Variants in FGR observed in about 807,000 individuals in gnomAD.
FGR encodes the protein tyrosine-protein kinase Fgr.
Under a neutral mutation model 63.2 loss-of-function variants are expected in FGR, and 26 were observed. The ratio of observed to expected loss-of-function variants is 0.41; its 90% confidence interval spans 0.30 to 0.57. The LOEUF (loss-of-function observed/expected upper bound fraction) is 0.57. FGR is among the 20% of genes least tolerant of loss of function. FGR has a pLI of 0.27. For missense variants in FGR, 511 were observed against 690.8 expected (o/e 0.74, Z 2.92); for synonymous variants, 286 against 277.7 (o/e 1.03, Z -0.30).
intron 11 of FGR, among the ~76,000 whole-genome samples, chr1:27,613,559 C>T (rs1436169336): frequency 5.9e-5 from 9 of 151,848 alleles, no homozygotes; most frequent in Admixed American, 2.6e-4. Context: ...AAAAATTAGC[C>T]GGGCATGGTG....
intron 1 of FGR, chr1:27,626,390 C>T: frequency 2.5e-6 from 1 of 394,872 alleles, no homozygotes; most frequent in Non-Finnish European, 4.5e-6. Flanking sequence ...GATCCCCAGT[C>T]CAGTCATCCT....
Position 27,616,889 on chromosome 1 carries a change from T to C in FGR, c.650A>G (p.Asn217Ser), listed in dbSNP as rs771875645. The C allele has an allele frequency of 3.0e-5, 48 of 1,614,012 alleles. No homozygotes were observed. In the South Asian group the frequency reaches 5.3e-4, roughly 18 times the overall value. The change falls in exon 7 of 13, where the codon AAC becomes AGC. Residue 217 changes from asparagine (N) to serine (S), a missense_variant. Physicochemically the swap from Asn to Ser is conservative, Grantham distance 46. Coordinates refer to ENST00000374005, the MANE Select transcript of FGR (RefSeq NM_005248.3). This position sits in a 1 kb window ranked among gnomAD's most constrained non-coding sequence, Gnocchi z 4.3. ...GTGCTGCACCAGCTCCTGCACCGAG[T>C]TGAACTGAACCCGTGTGGTGATGTA... ...GYYITTRVQFNSVQELVQHYM... is the reference protein window; with the variant it reads ...GYYITTRVQFSSVQELVQHYM...
At position 27,617,444 on chromosome 1, in the gene FGR, T is replaced by C; in HGVS notation, c.429-148A>G. On this transcript the variant is annotated intron_variant, in intron 5 of 12. Transcript: ENST00000374005. The surrounding 1 kb of genome is among the most constrained non-coding windows in gnomAD (Gnocchi z 4.5). ...TGCTTCACATCCTGGCTGGGAGGGT[T>C]ACAGAGAAGGGGAGTGTAAAATGCC... 3.2e-6 allele frequency: 2 copies of C among 632,382 alleles called. No homozygotes were observed. Among genetic ancestry groups the C allele is most frequent in the Non-Finnish European group, 2.9e-6 (1 of 349,560 alleles). The allele number at this position is 632,382 out of a possible 1,614,324, so 39.2% of individuals were successfully genotyped here. A position where few individuals can be genotyped will look rare whatever the true frequency, so the allele number is the denominator to read the frequency against.
Position 27,612,868 on chromosome 1 carries a change from G to T in FGR, c.*46C>A. The stretch of plus-strand genomic sequence containing the variant: ...TTTGGAAGAACAGCTCTGGGGATTG[G>T]CAAGGACTGGTGGCCACCGCCAGAG... On this transcript the variant is annotated 3_prime_UTR_variant, in exon 13 of 13. Coordinates refer to ENST00000374005, the MANE Select transcript of FGR (RefSeq NM_005248.3). 1 of 1,556,904 alleles carries T rather than the reference G, an allele frequency of 6.4e-7. No homozygotes were observed. The highest frequency in any genetic ancestry group is 8.8e-7 in the Non-Finnish European group (1 of 1,138,528).
At chr1:27,619,612 A>G (rs1370432392) in intron 5 of FGR, among the ~76,000 whole-genome samples, 1 of 152,264 alleles carries the variant, frequency 6.6e-6, no homozygotes, top group Non-Finnish European at 1.5e-5. Context: ...GGCAATTAAG[A>G]AAAGGTGTCC....
chr1:27,613,039 C>G lies in FGR; in HGVS notation c.1465G>C (p.Glu489Gln). The G allele has an allele frequency of 1.2e-6, 2 of 1,614,194 alleles. No individual in the cohort carries two copies. Among genetic ancestry groups the G allele is most frequent in the Non-Finnish European group, 1.7e-6 (2 of 1,180,024 alleles). The change falls in exon 13 of 13, where the codon GAG (glutamate) becomes CAG (glutamine). Residue 489 changes from glutamate to glutamine, a missense_variant. By Grantham distance (29) the Glu-to-Gln change is conservative. Transcript: ENST00000374005. ...CPPGCPASLY[E>Q]AMEQTWRLDP... Reference sequence around the variant, plus strand: ...AGACGCCAGGTCTGTTCCATGGCCTCGTACAGGGATGCTGGGCAGCCTGGA... The same window carrying G: ...AGACGCCAGGTCTGTTCCATGGCCTGGTACAGGGATGCTGGGCAGCCTGGA...
At chr1:27,622,968 G>A (rs2089957596) in intron 4 of FGR, 74 bp downstream of exon 4, 1 of 1,042,574 alleles carries the variant, frequency 9.6e-7, no homozygotes, top group Non-Finnish European at 1.5e-6. Flanking sequence ...TGAGGCTAGG[G>A]ACCAGGTGGG....
At chr1:27,634,832 C>G (rs1397765752) in intron 1 of FGR, among the ~76,000 whole-genome samples, 5 of 152,110 alleles carry the variant, frequency 3.3e-5, no homozygotes. Flanking sequence ...TCGGCTTCCC[C>G]CGTGCTCCCC....
chr1:27,614,742 G>A, intron 10 of FGR, 108 bp downstream of exon 10: 1 of 1,330,776 alleles, frequency 7.5e-7, no homozygotes, highest in Non-Finnish European at 1.1e-6. Context: ...TGGAGGCACA[G>A]CTGATGCAGG....
chr1:27,626,413 C>T, intron 1 of FGR: 1 of 388,802 alleles, frequency 2.6e-6, no homozygotes, highest in Non-Finnish European at 4.5e-6. Flanking sequence ...CAGATATTCT[C>T]TTCCTCTTCT....
chr1:27,623,526 T>C, intron 3 of FGR, 165 bp downstream of exon 3: 1 of 743,642 alleles, frequency 1.3e-6, no homozygotes. Context: ...CTGTGGTTTC[T>C]GATGGGAGGG....
chr1:27,626,863 G>T (rs56854702), intron 1 of FGR, among the ~76,000 whole-genome samples: 15,952 of 152,028 alleles, frequency 0.1, 2,260 homozygotes, highest in African/African-American at 0.33. Flanking sequence ...GAGAGATGGG[G>T]CTGATACAAA....
In FGR at chr1:27,617,029, T is replaced by C; in HGVS notation, c.533-23A>G. 1 of 1,613,750 alleles carries C rather than the reference T, an allele frequency of 6.2e-7. No individual in the cohort carries two copies. The highest frequency in any genetic ancestry group is 8.5e-7 in the Non-Finnish European group (1 of 1,179,926). On this transcript the variant is annotated intron_variant, in intron 6 of 12. Transcript: ENST00000374005. The surrounding 1 kb of genome is among the most constrained non-coding windows in gnomAD (Gnocchi z 4.5). ...CACCTGTGGAGAGGATCACTTTTGATCTGCTGTTCTCCTCTGCCCTAGTCT... is the reference window on the plus strand; with the variant it reads ...CACCTGTGGAGAGGATCACTTTTGACCTGCTGTTCTCCTCTGCCCTAGTCT...
rs1476393297 is a variant in FGR, at chr1:27,616,256, C to A, written c.683-412G>T. 6.6e-6 allele frequency among the ~76,000 whole-genome samples: 1 copy of A among 152,216 alleles called. No individual in the cohort carries two copies. Among genetic ancestry groups the A allele is most frequent in the Non-Finnish European group, 1.5e-5 (1 of 68,028 alleles). ...CAAGGCAGAAACGTGGGCATTGACT[C>A]CTGCCTTCCCTTCACCCCCACAGCC... On this transcript the variant is annotated intron_variant, in intron 7 of 12. Transcript: ENST00000374005. The surrounding 1 kb of genome is among the most constrained non-coding windows in gnomAD (Gnocchi z 4.3).
In FGR at chr1:27,617,089, G is replaced by A. The variant is rs2089827880; in HGVS notation, c.533-83C>T. ...GAGAGGCCCGACAGCAGCATCCCTA[G>A]GACCTGGTCCCAGTCTTGGCCTTAA... On this transcript the variant is annotated intron_variant, in intron 6 of 12. Coordinates refer to ENST00000374005, the MANE Select transcript of FGR (RefSeq NM_005248.3). This position sits in a 1 kb window ranked among gnomAD's most constrained non-coding sequence, Gnocchi z 4.5. 12 of 1,602,534 alleles carry A rather than the reference G, an allele frequency of 7.5e-6. No individual in the cohort carries two copies. The highest frequency in any genetic ancestry group is 1.0e-5 in the Non-Finnish European group (12 of 1,171,410).
intron 1 of FGR, among the ~76,000 whole-genome samples, chr1:27,627,376 T>C (rs986344180): frequency 1.3e-5 from 2 of 151,698 alleles, no homozygotes; most frequent in Non-Finnish European, 2.9e-5. Context: ...AAACATCTTC[T>C]AGTGTACACA....
chr1:27,617,164 G>T lies in FGR; in HGVS notation c.532+29C>A. ...CCTACCCCAATGGCTGGGCCTCCCAGTCGCCTTGGGGCGTGGCACCACCCC... is the reference window on the plus strand; with the variant it reads ...CCTACCCCAATGGCTGGGCCTCCCATTCGCCTTGGGGCGTGGCACCACCCC... On this transcript the variant is annotated intron_variant, in intron 6 of 12. Transcript: ENST00000374005. The surrounding 1 kb of genome is among the most constrained non-coding windows in gnomAD (Gnocchi z 4.5). 1 of 1,606,722 alleles carries T rather than the reference G, an allele frequency of 6.2e-7. No homozygotes were observed. The highest frequency in any genetic ancestry group is 8.5e-7 in the Non-Finnish European group (1 of 1,173,574).
chr1:27,624,382 G>A (rs558222911), intron 2 of FGR, among the ~76,000 whole-genome samples: 3 of 152,258 alleles, frequency 2.0e-5, no homozygotes, highest in Admixed American at 2.0e-4. Flanking sequence ...CTATACAGGT[G>A]CGTGCCAGTA....
In FGR at chr1:27,623,702, C is replaced by T. The variant is rs762361522; in HGVS notation, c.215G>A (p.Arg72Lys). 1.2e-6 allele frequency: 2 copies of T among 1,614,156 alleles called. No homozygotes were observed. Among genetic ancestry groups the T allele is most frequent in the South Asian group, 2.2e-5 (2 of 91,086 alleles). Residue 72 changes from arginine to lysine, a missense_variant, in exon 3 of 13, where the codon AGG becomes AAG. Physicochemically the swap from Arg to Lys is conservative, Grantham distance 26. Transcript: ENST00000374005. Reference sequence around the variant, plus strand: ...CCCCTTGGACTCACCTGACACACCCCTGATGGTGCCACTATCAAGGAAGCC... The same window carrying T: ...CCCCTTGGACTCACCTGACACACCCTTGATGGTGCCACTATCAAGGAAGCC... ...NPGFLDSGTI[R>K]GVSGIGVTLF...
Sources: gnomAD v4.1 joint callset for allele counts (sites outside exome capture counted in the v4.1 genomes callset) on GRCh38, gnomAD v4.1.1 for gene constraint, Gnocchi (gnomAD v3.1) non-coding constraint, MANE v1.5 for transcripts, NCBI Gene and HGNC (gene_info 2026-07-23, HGNC 2026-07-21) for gene names.